NRG3: variants seen among roughly 807,000 people sequenced by gnomAD.
NRG3 encodes pro-neuregulin-3, membrane-bound isoform.
Under a neutral mutation model 66.9 loss-of-function variants are expected in NRG3, and 31 were observed. The observed-to-expected ratio is 0.46, with a 90% confidence interval of 0.35 to 0.63. The LOEUF is 0.63. Among genes scored for constraint, NRG3 ranks in the 20% least tolerant of loss-of-function variants. The probability of loss-of-function intolerance (pLI) is 0.00; values close to 1 mark genes in which losing one functional copy is unlikely to be tolerated. For missense variants in NRG3, 910 were observed against 878.9 expected, an observed-to-expected ratio of 1.04 and a Z score of -0.45; for synonymous variants, 393 against 359.4, an observed-to-expected ratio of 1.09 and a Z score of -1.06.
intron 1 of NRG3, among the ~76,000 whole-genome samples, chr10:82,186,560 T>C (rs2073821843): frequency 6.6e-6 from 1 of 152,204 alleles, no homozygotes; most frequent in South Asian, 2.1e-4. Flanking sequence ...GCAGCTGGAA[T>C]GCAAACAAAG....
intron 1 of NRG3, among the ~76,000 whole-genome samples, chr10:82,130,559 G>A (rs565177868): frequency 3.3e-4 from 50 of 152,218 alleles, no homozygotes; most frequent in African/African-American, 1.2e-3. Context: ...TATATACCTA[G>A]CAGTGGGATT....
intron 1 of NRG3, chr10:81,877,747 G>A: frequency 1.5e-6 from 2 of 1,364,840 alleles, no homozygotes; most frequent in South Asian, 1.8e-5. Flanking sequence ...CCAGTAACTT[G>A]CTGCTTCTCT....
intron 4 of NRG3, among the ~76,000 whole-genome samples, chr10:82,924,412 G>T (rs1846773868): frequency 1.3e-5 from 2 of 152,062 alleles, no homozygotes; most frequent in South Asian, 4.1e-4. Flanking sequence ...TGGCTCATCA[G>T]TTTGTGCGGT....
chr10:81,998,531 A>T (rs780540575), intron 1 of NRG3, among the ~76,000 whole-genome samples: 32 of 152,128 alleles, frequency 2.1e-4, no homozygotes, highest in Non-Finnish European at 4.4e-4. Context: ...CGCAGAGTCG[A>T]TGTTGATATT....
chr10:82,039,088 A>C (rs1047729473), intron 1 of NRG3, among the ~76,000 whole-genome samples: 7 of 152,162 alleles, frequency 4.6e-5, no homozygotes, highest in Admixed American at 4.6e-4. Context: ...AAAAATATAC[A>C]GGTGTATTAT....
intron 2 of NRG3, among the ~76,000 whole-genome samples, chr10:82,540,598 A>G (rs2132746671): frequency 6.6e-6 from 1 of 152,062 alleles, no homozygotes; most frequent in Middle Eastern, 3.4e-3. Context: ...CAGGTGGAGT[A>G]AGGGGACATC....
intron 3 of NRG3, among the ~76,000 whole-genome samples, chr10:82,784,862 C>A (rs1419081118): frequency 6.6e-6 from 1 of 152,026 alleles, no homozygotes; most frequent in African/African-American, 2.4e-5. Context: ...TGGGTATATA[C>A]CCAAAGGACT....
chr10:82,509,211 T>A (rs1192504289), intron 2 of NRG3, among the ~76,000 whole-genome samples: 2 of 152,162 alleles, frequency 1.3e-5, no homozygotes, highest in African/African-American at 2.4e-5. Context: ...CTGCAATCAA[T>A]GACAACAGAA....
intron 2 of NRG3, among the ~76,000 whole-genome samples, chr10:82,451,933 A>G (rs1243472853): frequency 1.3e-5 from 2 of 152,192 alleles, no homozygotes; most frequent in African/African-American, 4.8e-5. Context: ...AAAGGGTTCT[A>G]TAGGTTTGAC....
intron 6 of NRG3, among the ~76,000 whole-genome samples, chr10:82,960,998 G>T (rs763271664): frequency 5.3e-5 from 8 of 152,108 alleles, no homozygotes; most frequent in Admixed American, 5.2e-4. Flanking sequence ...TCACACAGAC[G>T]CAAGTGAAAG....
intron 2 of NRG3, among the ~76,000 whole-genome samples, chr10:82,572,140 G>T (rs970784170): frequency 6.6e-6 from 1 of 151,546 alleles, no homozygotes; most frequent in Non-Finnish European, 1.5e-5. Context: ...TCCTTTTGTG[G>T]AAGTGAATTC....
intron 1 of NRG3, among the ~76,000 whole-genome samples, chr10:82,207,590 C>T (rs558917246): frequency 4.6e-5 from 7 of 152,200 alleles, no homozygotes; most frequent in South Asian, 2.1e-4. Flanking sequence ...TCCGTTCTCA[C>T]GCTGCTATGA....
intron 1 of NRG3, among the ~76,000 whole-genome samples, chr10:82,010,441 C>G (rs2061531506): frequency 6.6e-6 from 1 of 152,162 alleles, no homozygotes; most frequent in African/African-American, 2.4e-5. Context: ...ATTGTTAAGA[C>G]TTTCTTTTAA....
intron 1 of NRG3, among the ~76,000 whole-genome samples, chr10:81,953,973 T>G (rs1034471558): frequency 6.6e-6 from 1 of 152,204 alleles, no homozygotes; most frequent in Non-Finnish European, 1.5e-5. Context: ...TGGGTAGTGA[T>G]TATTGTTCAT....
intron 1 of NRG3, among the ~76,000 whole-genome samples, chr10:81,950,269 C>T (rs1158603732): frequency 6.6e-6 from 1 of 152,164 alleles, no homozygotes; most frequent in Non-Finnish European, 1.5e-5. Flanking sequence ...TCAATTTAGT[C>T]AAACCTGGGT....
At chr10:82,216,749 C>T (rs1339569031) in intron 1 of NRG3, among the ~76,000 whole-genome samples, 1 of 152,048 alleles carries the variant, frequency 6.6e-6, no homozygotes, top group Non-Finnish European at 1.5e-5. Context: ...ATAATCATCT[C>T]TGGTGAATCT....
chr10:82,095,307 A>C (rs1039413753), intron 1 of NRG3, among the ~76,000 whole-genome samples: 2 of 152,146 alleles, frequency 1.3e-5, no homozygotes, highest in Non-Finnish European at 2.9e-5. Flanking sequence ...AGCCAAAAAA[A>C]AAAAATGAGA....
intron 2 of NRG3, among the ~76,000 whole-genome samples, chr10:82,409,125 C>T (rs2087849227): frequency 2.6e-5 from 4 of 152,042 alleles, no homozygotes; most frequent in South Asian, 2.1e-4. Flanking sequence ...GGAAGGTTTA[C>T]GGTTAGAATG....
chr10:82,195,670 A>C (rs1175522822), intron 1 of NRG3, among the ~76,000 whole-genome samples: 1 of 152,196 alleles, frequency 6.6e-6, no homozygotes, highest in African/African-American at 2.4e-5. Flanking sequence ...ACATGGCAAG[A>C]GGGAATTAAG....
Sources: gnomAD v4.1 joint callset for allele counts (sites outside exome capture counted in the v4.1 genomes callset) on GRCh38, gnomAD v4.1.1 for gene constraint, MANE v1.5 for transcripts, NCBI Gene and HGNC (gene_info 2026-07-23, HGNC 2026-07-21) for gene names.